Variants in XRCC4 observed in about 807,000 individuals in gnomAD.
The protein encoded by XRCC4 is DNA repair protein XRCC4.
A neutral mutation model predicts 39.1 loss-of-function variants in XRCC4; 28 were observed. The ratio of observed to expected loss-of-function variants is 0.72; its 90% CI spans 0.53 to 0.98. The LOEUF (loss-of-function observed/expected upper bound fraction) is 0.98. Ranked by LOEUF, XRCC4 falls within the 50% of genes least tolerant of loss-of-function variation. The pLI is 0.00. For missense variants in XRCC4, 350 were observed against 376.4 expected (o/e 0.93, Z 0.58); for synonymous variants, 123 against 126.4 (o/e 0.97, Z 0.18).
chr5:83,260,958 T>G (rs1218152444), intron 7 of XRCC4, among the ~76,000 whole-genome samples: 1 of 152,030 alleles, frequency 6.6e-6, no homozygotes, highest in Non-Finnish European at 1.5e-5. Context: ...TTAGCATGTA[T>G]CAGTCAGATG....
At chr5:83,193,648 A>G (rs1299718562) in intron 3 of XRCC4, among the ~76,000 whole-genome samples, 1 of 152,148 alleles carries the variant, frequency 6.6e-6, no homozygotes, top group Non-Finnish European at 1.5e-5. Flanking sequence ...TATTTTACTG[A>G]TTATTTTATT....
At chr5:83,257,722 A>G (rs1057512255) in intron 6 of XRCC4, among the ~76,000 whole-genome samples, 3 of 152,206 alleles carry the variant, frequency 2.0e-5, no homozygotes, top group African/African-American at 7.2e-5. Context: ...ATTCTACTAT[A>G]AAGACATATG....
chr5:83,288,443 G>A (rs1329825644), intron 7 of XRCC4, among the ~76,000 whole-genome samples: 1 of 151,874 alleles, frequency 6.6e-6, no homozygotes, highest in East Asian at 1.9e-4. Flanking sequence ...ATTTTGACAT[G>A]CTTGTTAGTT....
intron 1 of XRCC4, among the ~76,000 whole-genome samples, chr5:83,098,016 C>CT (rs5869162): frequency 0.49 from 73,942 of 151,712 alleles, 18,803 homozygotes; most frequent in African/African-American, 0.62. Context: ...TTAATACCCA[C>CT]TTATAGTGTT....
At chr5:83,256,464 G>T (rs1487228811) in intron 6 of XRCC4, among the ~76,000 whole-genome samples, 1 of 151,366 alleles carries the variant, frequency 6.6e-6, no homozygotes, top group East Asian at 1.9e-4. Flanking sequence ...TTTTTTCCTA[G>T]ATATCCGCTG....
chr5:83,216,448 T>C (rs932421915), intron 6 of XRCC4, among the ~76,000 whole-genome samples: 2 of 152,226 alleles, frequency 1.3e-5, no homozygotes, highest in Admixed American at 1.3e-4. Flanking sequence ...ATAACCTAGC[T>C]ATTCTACTTC....
chr5:83,209,407 A>G (rs934767785), intron 6 of XRCC4, among the ~76,000 whole-genome samples: 1 of 152,128 alleles, frequency 6.6e-6, no homozygotes, highest in African/African-American at 2.4e-5. Flanking sequence ...CGCATTGTGC[A>G]GTTTTAAAAT....
At chr5:83,211,164 T>C (rs945707565) in intron 6 of XRCC4, among the ~76,000 whole-genome samples, 1 of 152,186 alleles carries the variant, frequency 6.6e-6, no homozygotes, top group Non-Finnish European at 1.5e-5. Flanking sequence ...GAAAAACTGC[T>C]GAAGTTTGGG....
At chr5:83,144,561 C>A (rs1315560121) in intron 3 of XRCC4, among the ~76,000 whole-genome samples, 1 of 94,916 alleles carries the variant, frequency 1.1e-5, no homozygotes, top group African/African-American at 4.0e-5. Flanking sequence ...CACCCCCCCC[C>A]CCCCACCCCC....
intron 3 of XRCC4, among the ~76,000 whole-genome samples, chr5:83,114,739 T>G (rs1008405327): frequency 1.3e-5 from 2 of 152,214 alleles, no homozygotes; most frequent in Non-Finnish European, 2.9e-5. Flanking sequence ...ACTGTTCCAG[T>G]CTCTGCCTGT....
intron 3 of XRCC4, among the ~76,000 whole-genome samples, chr5:83,187,974 G>A (rs971455655): frequency 3.9e-5 from 6 of 152,126 alleles, no homozygotes; most frequent in African/African-American, 1.4e-4. Context: ...ATGGACAATA[G>A]CAACTAGAGG....
chr5:83,196,586 A>G (rs1255703763), intron 4 of XRCC4, among the ~76,000 whole-genome samples: 1 of 151,882 alleles, frequency 6.6e-6, no homozygotes, highest in Non-Finnish European at 1.5e-5. Context: ...TTATTCTATT[A>G]GTATAAGATA....
Position 83,111,105 on chromosome 5 carries a change from G to A in XRCC4, c.217G>A (p.Ala73Thr). ...GAAATATGTTGGTGAACTGAGAAAA[G>A]CATTGTTGTCAGGAGCAGGACCAGC... is the stretch of plus-strand genomic sequence containing the variant. Reference protein sequence around the residue: ...KGKYVGELRKALLSGAGPADV... With the variant: ...KGKYVGELRKTLLSGAGPADV... The change falls in exon 3 of 8, where the codon GCA becomes ACA. Residue 73 changes from alanine to threonine, a missense_variant. Coordinates refer to ENST00000396027, the MANE Select transcript of XRCC4 (RefSeq NM_003401.5). 5 of 1,611,882 alleles carry A rather than the reference G, an allele frequency of 3.1e-6. No homozygotes were observed. The highest frequency in any genetic ancestry group is 1.7e-5 in the Admixed American group (1 of 59,634).
the XRCC4 span, among the ~76,000 whole-genome samples, chr5:83,369,449 T>G: frequency 3.3e-5 from 5 of 152,292 alleles, no homozygotes; most frequent in East Asian, 7.7e-4. Flanking sequence ...TCCCGTCTTG[T>G]GTCCCTGTGT....
At chr5:83,275,074 C>A (rs1351447458) in intron 7 of XRCC4, among the ~76,000 whole-genome samples, 1 of 151,938 alleles carries the variant, frequency 6.6e-6, no homozygotes, top group Non-Finnish European at 1.5e-5. Flanking sequence ...AATAGAGGAC[C>A]TAGTGAAGAA....
chr5:83,210,585 T>C (rs796714850), intron 6 of XRCC4, among the ~76,000 whole-genome samples: 12 of 152,296 alleles, frequency 7.9e-5, no homozygotes, highest in African/African-American at 2.9e-4. Flanking sequence ...ACGTCTACTC[T>C]TGAAATATTA....
At chr5:83,087,097 A>T (rs764887354) in intron 1 of XRCC4, among the ~76,000 whole-genome samples, 34 of 152,222 alleles carry the variant, frequency 2.2e-4, no homozygotes, top group Non-Finnish European at 3.4e-4. Context: ...CAGGTGGATC[A>T]CCAGAGGTCA....
At chr5:83,374,137 C>T in the XRCC4 span, among the ~76,000 whole-genome samples, 2 of 152,130 alleles carry the variant, frequency 1.3e-5, no homozygotes, top group Non-Finnish European at 2.9e-5. Flanking sequence ...GAAGAGGTTA[C>T]TTTTATGGCC....
intron 3 of XRCC4, among the ~76,000 whole-genome samples, chr5:83,160,339 T>C (rs2061783): frequency 0.063 from 9,621 of 152,246 alleles, 1,017 homozygotes; most frequent in East Asian, 0.48. Context: ...TCTGATCCAA[T>C]ATATTGATCA....
Sources: allele counts gnomAD v4.1 joint callset (sites outside exome capture counted in the v4.1 genomes callset), GRCh38; gene constraint gnomAD v4.1.1; transcripts MANE v1.5; gene names NCBI Gene and HGNC (gene_info 2026-07-23, HGNC 2026-07-21).